SNN: variants seen among roughly 807,000 people sequenced by gnomAD.
SNN encodes AG8_1.
In SNN, 5 loss-of-function variants were observed where a neutral mutation model predicts 5.3. The observed-to-expected ratio is 0.94, with a 90% CI of 0.49 to 1.97. The LOEUF is 1.97. Among genes scored for constraint, SNN ranks in the 30% most tolerant of loss-of-function variants. The pLI, the probability that SNN is intolerant of heterozygous loss-of-function variation, is 0.01. For synonymous variants in SNN, 67 were observed against 52.1 expected (o/e 1.29, Z -1.24); for missense variants, 127 against 121.6 (o/e 1.04, Z -0.21).
intron 1 of SNN, among the ~76,000 whole-genome samples, chr16:11,674,360 C>G (rs2050285159): frequency 6.6e-6 from 1 of 152,234 alleles, no homozygotes. Flanking sequence ...GGTCTTGGGA[C>G]TCCAGAGAAC....
At chr16:11,675,678 T>G (rs1332629124) in intron 1 of SNN, among the ~76,000 whole-genome samples, 1 of 152,178 alleles carries the variant, frequency 6.6e-6, no homozygotes, top group African/African-American at 2.4e-5. Flanking sequence ...AGGCACACCT[T>G]CAGCTGAAGA....
At position 11,676,188 on chromosome 16, in the gene SNN, G is replaced by C; in HGVS notation, c.129G>C (p.Gln43His). The part of the protein sequence containing the change: ...WCYLRLQRIS[Q>H]SEDEESIVGD... ...ACCTGCGGCTGCAGCGCATCAGCCA[G>C]TCAGAGGACGAGGAGAGCATCGTGG... is the stretch of plus-strand genomic sequence containing the variant. The change falls in exon 2 of 2, where the codon CAG becomes CAC. Residue 43 changes from glutamine (Q) to histidine (H), a missense_variant. Transcript: ENST00000329565. 6.2e-7 allele frequency: 1 copy of C among 1,614,250 alleles called. No individual in the cohort carries two copies. Among genetic ancestry groups the C allele is most frequent in the Non-Finnish European group, 8.5e-7 (1 of 1,180,044 alleles).
Position 11,672,325 on chromosome 16 carries a change from G to T in SNN, c.-85-3650G>T, listed in dbSNP as rs1367342245. Among the ~76,000 whole-genome samples the T allele has an allele frequency of 6.6e-6, 1 of 152,200 alleles. No homozygotes were observed. Among genetic ancestry groups the T allele is most frequent in the Non-Finnish European group, 1.5e-5 (1 of 68,030 alleles). ...AGGGCAGGTAGCAAGGAGAGCAAAT[G>T]AAGTAGGGCAAGGCTGTAGTGGTGG... On this transcript the variant is annotated intron_variant, in intron 1 of 1. Transcript: ENST00000329565. The surrounding 1 kb of genome is among the most constrained non-coding windows in gnomAD (Gnocchi z 6.0).
Position 11,679,035 on chromosome 16 carries a change from A to C in SNN, c.*2709A>C. 1.3e-6 allele frequency: 1 copy of C among 766,260 alleles called. No homozygotes were observed. The highest frequency in any genetic ancestry group is 2.1e-6 in the Non-Finnish European group (1 of 476,754). 47.5% of individuals were successfully genotyped at this position (766,260 alleles called of 1,614,324 possible). ...GCTACCAAGTTTGTGCAATAAGTGG[A>C]AGGGATGTCATCCTTCTTCAATAAA... On this transcript the variant is annotated 3_prime_UTR_variant, in exon 2 of 2. Transcript: ENST00000329565. The surrounding 1 kb of genome is among the most constrained non-coding windows in gnomAD (Gnocchi z 4.6).
chr16:11,669,481 G>GTCTACTTT (rs1362447974), intron 1 of SNN, among the ~76,000 whole-genome samples: 1 of 152,242 alleles, frequency 6.6e-6, no homozygotes, highest in African/African-American at 2.4e-5. Context: ...ATCCCTGCGC[G>GTCTACTTT]TCTACTTTTG....
Position 11,673,309 on chromosome 16 carries a change from A to G in SNN, c.-85-2666A>G, listed in dbSNP as rs542397334. On this transcript the variant is annotated intron_variant, in intron 1 of 1. Coordinates refer to ENST00000329565, the MANE Select transcript of SNN (RefSeq NM_003498.6). Reference sequence around the variant, plus strand: ...AGAGGCCAGGGTGGTCTGTACATGCAGGGGACAGAGCAGGGCCACCGTGGA... The same window carrying G: ...AGAGGCCAGGGTGGTCTGTACATGCGGGGGACAGAGCAGGGCCACCGTGGA... 2.4e-3 allele frequency among the ~76,000 whole-genome samples: 367 copies of G among 152,248 alleles called. 3 individuals carry two copies. The highest frequency in any genetic ancestry group is 8.1e-3 in the African/African-American group (335 of 41,532).
At chr16:11,669,892 G>T (rs1049073352) in intron 1 of SNN, among the ~76,000 whole-genome samples, 1 of 152,194 alleles carries the variant, frequency 6.6e-6, no homozygotes, top group African/African-American at 2.4e-5. Flanking sequence ...TCTGAGGATG[G>T]GGGTGTCATG....
In SNN at chr16:11,679,014, C is replaced by A; in HGVS notation, c.*2688C>A. 1 of 689,740 alleles carries A rather than the reference C, an allele frequency of 1.4e-6. No homozygotes were observed. Among genetic ancestry groups the A allele is most frequent in the Non-Finnish European group, 2.4e-6 (1 of 410,674 alleles). 42.7% of individuals were successfully genotyped at this position (689,740 alleles called of 1,614,324 possible). A position where few individuals can be genotyped will look rare whatever the true frequency, so the allele number is the denominator to read the frequency against. On this transcript the variant is annotated 3_prime_UTR_variant, in exon 2 of 2. Coordinates refer to ENST00000329565, the MANE Select transcript of SNN (RefSeq NM_003498.6). The surrounding 1 kb of genome is among the most constrained non-coding windows in gnomAD (Gnocchi z 4.6). ...TGCTACTGTATTTGTCTCAAAGCTACCAAGTTTGTGCAATAAGTGGAAGGG... is the reference window on the plus strand; with the variant it reads ...TGCTACTGTATTTGTCTCAAAGCTAACAAGTTTGTGCAATAAGTGGAAGGG...
chr16:11,670,922 G>A (rs1449432576), intron 1 of SNN, among the ~76,000 whole-genome samples: 2 of 152,152 alleles, frequency 1.3e-5, no homozygotes. Context: ...ACGGGGTGGG[G>A]TTCACCCCCG....
Position 11,672,732 on chromosome 16 carries a change from G to A in SNN, c.-85-3243G>A, listed in dbSNP as rs1051897200. Among the ~76,000 whole-genome samples the A allele has an allele frequency of 7.9e-5, 12 of 152,116 alleles. No homozygotes were observed. Among genetic ancestry groups the A allele is most frequent in the African/African-American group, 2.7e-4 (11 of 41,410 alleles). On this transcript the variant is annotated intron_variant, in intron 1 of 1. Coordinates refer to ENST00000329565, the MANE Select transcript of SNN (RefSeq NM_003498.6). The surrounding 1 kb of genome is among the most constrained non-coding windows in gnomAD (Gnocchi z 6.0). ...GAACCCCACATCTGGCTCTGCCCAT[G>A]CCTCCTGGCCTGGGTTCAGGGCAGC...
At chr16:11,670,477 T>C (rs1161697186) in intron 1 of SNN, among the ~76,000 whole-genome samples, 1 of 152,184 alleles carries the variant, frequency 6.6e-6, no homozygotes, top group Non-Finnish European at 1.5e-5. Flanking sequence ...GGCTTGGGGA[T>C]CCCTCGGGCT....
chr16:11,674,941 G>A (rs1341835233), intron 1 of SNN, among the ~76,000 whole-genome samples: 1 of 152,160 alleles, frequency 6.6e-6, no homozygotes, highest in Non-Finnish European at 1.5e-5. Flanking sequence ...CCATCAGGGA[G>A]GGAGCCTCTG....
rs375062509 is a variant in SNN at position 11,676,011 on chromosome 16, G to C, written c.-49G>C. On this transcript the variant is annotated 5_prime_UTR_variant, in exon 2 of 2. Transcript: ENST00000329565. ...CCAGCCTGAGTTCCAGCCTCACTGA[G>C]TGGCCACCCCCAAAGTGCTGCCAGC... 3.3e-6 allele frequency: 5 copies of C among 1,531,418 alleles called. No homozygotes were observed. The East Asian group carries it at 6.8e-5, about 21-fold the overall frequency. 94.9% of individuals were successfully genotyped at this position (1,531,418 alleles called of 1,614,324 possible). A position where few individuals can be genotyped will look rare whatever the true frequency, so the allele number is the denominator to read the frequency against.
At chr16:11,675,095 C>T (rs1404969907) in intron 1 of SNN, among the ~76,000 whole-genome samples, 1 of 152,102 alleles carries the variant, frequency 6.6e-6, no homozygotes. Context: ...GATGGTGTGC[C>T]GCGTTCCAGG....
Position 11,676,469 on chromosome 16 carries a change from T to A in SNN, c.*143T>A. The A allele has an allele frequency of 2.9e-6, 3 of 1,046,446 alleles. No homozygotes were observed. Among genetic ancestry groups the A allele is most frequent in the Non-Finnish European group, 4.1e-6 (3 of 729,000 alleles). The allele number at this position is 1,046,446 out of a possible 1,614,324, so 64.8% of individuals were successfully genotyped here. A position where few individuals can be genotyped will look rare whatever the true frequency, so the allele number is the denominator to read the frequency against. On this transcript the variant is annotated 3_prime_UTR_variant, in exon 2 of 2. Transcript: ENST00000329565. ...CTGCGGGCTTCGTCATCGCATGCAC[T>A]GATGCCCGGGGACCTGGCTGTCCTG...
At chr16:11,670,618 T>G (rs2050260759) in intron 1 of SNN, among the ~76,000 whole-genome samples, 1 of 152,236 alleles carries the variant, frequency 6.6e-6, no homozygotes. Context: ...ACCTGGTAGA[T>G]GAGGTCAGGG....
rs375463219 is a variant in SNN, at chr16:11,676,362, G to A, written c.*36G>A. 1.5e-4 allele frequency: 237 copies of A among 1,594,310 alleles called. No individual in the cohort carries two copies. Among genetic ancestry groups the A allele is most frequent in the East Asian group, 2.3e-4 (10 of 44,302 alleles). On this transcript the variant is annotated 3_prime_UTR_variant, in exon 2 of 2. Coordinates refer to ENST00000329565, the MANE Select transcript of SNN (RefSeq NM_003498.6). ...AAGGCTCCTGGTCCTGTTTGCAGCC[G>A]GCCAAGAGGCGCTGGGAGGGGCAAA...
At chr16:11,674,409 C>G (rs993519417) in intron 1 of SNN, among the ~76,000 whole-genome samples, 2 of 152,208 alleles carry the variant, frequency 1.3e-5, no homozygotes, top group Non-Finnish European at 2.9e-5. Flanking sequence ...GAGGCAAAGC[C>G]CTGGCCTCAG....
In SNN at chr16:11,677,212, G is replaced by C. The variant is rs893694232; in HGVS notation, c.*886G>C. On this transcript the variant is annotated 3_prime_UTR_variant, in exon 2 of 2. Coordinates refer to ENST00000329565, the MANE Select transcript of SNN (RefSeq NM_003498.6). This position sits in a 1 kb window ranked among gnomAD's most constrained non-coding sequence, Gnocchi z 4.2. ...TTGCTTTGGTCCTCATAGAGCCTGT[G>C]GTGGCTACTTTTGGTCTGAAACCCA... 3 of 167,198 alleles carry C rather than the reference G, an allele frequency of 1.8e-5. No homozygotes were observed. The highest frequency in any genetic ancestry group is 4.4e-5 in the Non-Finnish European group (3 of 68,198). 10.4% of individuals were successfully genotyped at this position (167,198 alleles called of 1,614,324 possible).
Sources: gnomAD v4.1 joint callset for allele counts (sites outside exome capture counted in the v4.1 genomes callset) on GRCh38, gnomAD v4.1.1 for gene constraint, Gnocchi (gnomAD v3.1) non-coding constraint, MANE v1.5 for transcripts, NCBI Gene and HGNC (gene_info 2026-07-23, HGNC 2026-07-21) for gene names.